PRR5L: variants seen among roughly 807,000 people sequenced by gnomAD.
PRR5L encodes proline-rich protein 5-like.
PRR5L carries 21 observed loss-of-function variants against 36.4 expected under a neutral mutation model. The observed-to-expected ratio is 0.58, with a 90% CI of 0.41 to 0.83. The LOEUF is 0.83. PRR5L is among the 40% of genes least tolerant of loss of function. PRR5L has a pLI of 0.00. For missense variants in PRR5L, 381 were observed against 473.3 expected, an observed-to-expected ratio of 0.80 and a Z score of 1.81; for synonymous variants, 188 against 197.0, an observed-to-expected ratio of 0.95 and a Z score of 0.38.
intron 1 of PRR5L, among the ~76,000 whole-genome samples, chr11:36,351,281 TGTATA>T (rs1565407245): frequency 0.076 from 1,887 of 24,668 alleles, 131 homozygotes; most frequent in South Asian, 0.22. Context: ...TTTATATATA[TGTATA>T]TTTATATATT....
intron 1 of PRR5L, among the ~76,000 whole-genome samples, chr11:36,396,591 C>A (rs997831144): frequency 6.6e-6 from 1 of 152,148 alleles, no homozygotes. Flanking sequence ...ATTTATTGAA[C>A]GAGCTCTTAT....
At chr11:36,378,876 A>G (rs1357231847) in intron 1 of PRR5L, among the ~76,000 whole-genome samples, 2 of 152,220 alleles carry the variant, frequency 1.3e-5, no homozygotes, top group African/African-American at 4.8e-5. Context: ...TAATTTGTCT[A>G]AAGCCATACA....
intron 6 of PRR5L, 55 bp from the exon 7 acceptor site, chr11:36,446,245 G>A (rs1858826315): frequency 6.3e-7 from 1 of 1,595,548 alleles, no homozygotes; most frequent in East Asian, 2.2e-5. Context: ...CACATGGTCG[G>A]TGGCAGATTC....
At chr11:36,365,367 T>C (rs968035582) in intron 1 of PRR5L, among the ~76,000 whole-genome samples, 2 of 152,234 alleles carry the variant, frequency 1.3e-5, no homozygotes, top group Admixed American at 6.5e-5. Flanking sequence ...CCTCGTCTTA[T>C]ACAGTCTCGG....
intron 1 of PRR5L, among the ~76,000 whole-genome samples, chr11:36,332,922 C>T (rs1417320381): frequency 1.3e-5 from 2 of 152,134 alleles, no homozygotes; most frequent in East Asian, 3.9e-4. Flanking sequence ...TTATAAATTA[C>T]CCAGTCTTGG....
At chr11:36,387,607 G>A (rs1312616766) in intron 1 of PRR5L, among the ~76,000 whole-genome samples, 1 of 152,098 alleles carries the variant, frequency 6.6e-6, no homozygotes, top group African/African-American at 2.4e-5. Context: ...CCCAGGGTAG[G>A]GGCTGAATGC....
rs568075509 is a variant in PRR5L, at chr11:36,338,658, C to T, written c.-126+42220C>T. On this transcript the variant is annotated intron_variant, in intron 1 of 8. Transcript: ENST00000530639. ...TGGCCTCATAGTTCACATGTGACAT[C>T]ATGCTCTGTGTTGGGAATTTTGTAT... Among the ~76,000 whole-genome samples, 7 of 152,280 alleles carry T rather than the reference C, an allele frequency of 4.6e-5. No homozygotes were observed. In the South Asian group the frequency reaches 8.3e-4, roughly 18 times the overall value.
chr11:36,352,389 G>T (rs150916808), intron 1 of PRR5L, among the ~76,000 whole-genome samples: 3,328 of 152,154 alleles, frequency 0.022, 69 homozygotes, highest in Non-Finnish European at 0.033. Context: ...CCACTCTGTG[G>T]GTTGTCTGTT....
intron 1 of PRR5L, among the ~76,000 whole-genome samples, chr11:36,385,478 A>G (rs979144224): frequency 6.6e-6 from 1 of 152,264 alleles, no homozygotes; most frequent in African/African-American, 2.4e-5. Context: ...CTAAATTGTC[A>G]GCTTTCTGAA....
chr11:36,449,762 G>A (rs891031338), intron 7 of PRR5L, among the ~76,000 whole-genome samples: 3 of 152,210 alleles, frequency 2.0e-5, no homozygotes, highest in African/African-American at 7.2e-5. Context: ...CTGTTTGGCA[G>A]CCAAGCCAAG....
intron 1 of PRR5L, among the ~76,000 whole-genome samples, chr11:36,399,637 G>A (rs1353012052): frequency 6.6e-6 from 1 of 152,242 alleles, no homozygotes; most frequent in Non-Finnish European, 1.5e-5. Flanking sequence ...TAGCTGGTGA[G>A]AGAGATGGCA....
intron 1 of PRR5L, among the ~76,000 whole-genome samples, chr11:36,370,776 G>T (rs1857189396): frequency 6.6e-6 from 1 of 151,524 alleles, no homozygotes. Flanking sequence ...AGCTGCTTGG[G>T]AGGCTGAGGC....
In PRR5L at chr11:36,359,724, A is replaced by G. The variant is rs141455487; in HGVS notation, c.-125-41273A>G. On this transcript the variant is annotated intron_variant, in intron 1 of 8. Coordinates refer to ENST00000530639, the MANE Select transcript of PRR5L (RefSeq NM_001160167.2). ...GGATAAATCCAGACTGGTCTATAAC[A>G]GAAACTATAGGGCATTGTTTTAAAT... Among the ~76,000 whole-genome samples, 713 of 152,306 alleles carry G rather than the reference A, an allele frequency of 4.7e-3. 11 individuals are homozygous for G. The highest frequency in any genetic ancestry group is 0.016 in the African/African-American group (671 of 41,562).
chr11:36,309,933 C>T (rs1856481438), intron 1 of PRR5L, among the ~76,000 whole-genome samples: 1 of 3,086 alleles, frequency 3.2e-4, no homozygotes, highest in East Asian at 0.013. Flanking sequence ...TTCTTTGACT[C>T]CATGTCAAAG....
chr11:36,431,876 G>T lies in PRR5L; in HGVS notation c.318G>T (p.Leu106=). ...AGAACCAGCTTCTTGCAAAAGGACT[G>T]TTCTTTGTGGAGGAGAAGATCAAGC... The part of the protein sequence containing the change: ...YFQNQLLAKG[L]FFVEEKIKLC... Residue 106 remains leucine (L), a synonymous_variant, in exon 5 of 9, where the codon CTG becomes CTT. Coordinates refer to ENST00000530639, the MANE Select transcript of PRR5L (RefSeq NM_001160167.2). 1 of 1,614,170 alleles carries T rather than the reference G, an allele frequency of 6.2e-7. No individual in the cohort carries two copies. Among genetic ancestry groups the T allele is most frequent in the Non-Finnish European group, 8.5e-7 (1 of 1,180,008 alleles).
At chr11:36,438,947 T>C (rs1418546864) in intron 6 of PRR5L, among the ~76,000 whole-genome samples, 1 of 152,072 alleles carries the variant, frequency 6.6e-6, no homozygotes, top group African/African-American at 2.4e-5. Context: ...AATAAATAAA[T>C]ACTACGGGAT....
At chr11:36,359,642 T>A (rs1397048452) in intron 1 of PRR5L, among the ~76,000 whole-genome samples, 1 of 152,146 alleles carries the variant, frequency 6.6e-6, no homozygotes, top group African/African-American at 2.4e-5. Context: ...CCAGAGCAGA[T>A]GCCATGAAGA....
In PRR5L at chr11:36,328,241, CT is replaced by C. The variant is rs1856684576; in HGVS notation, c.-126+31804del. Among the ~76,000 whole-genome samples, 3 of 152,100 alleles carry C rather than the reference CT, an allele frequency of 2.0e-5. No homozygotes were observed. The South Asian group carries it at 6.2e-4, about 32-fold the overall frequency. On this transcript the variant is annotated intron_variant, in intron 1 of 8. Transcript: ENST00000530639. ...ATGACTTTTAGGAAAGATAAATGGA[CT>C]CAGAAATATGAGTGGGAAATATCAG...
chr11:36,314,988 T>C (rs1416504810), intron 1 of PRR5L, among the ~76,000 whole-genome samples: 1 of 152,246 alleles, frequency 6.6e-6, no homozygotes. Flanking sequence ...CATCACAATG[T>C]ATGCTTTTTG....
Sources: gnomAD v4.1 joint callset for allele counts (sites outside exome capture counted in the v4.1 genomes callset) on GRCh38, gnomAD v4.1.1 for gene constraint, MANE v1.5 for transcripts, NCBI Gene and HGNC (gene_info 2026-07-23, HGNC 2026-07-21) for gene names.